Variants in TRPC5 observed in about 807,000 individuals in gnomAD.
TRPC5 encodes the protein transient receptor potential cation channel subfamily C member 5.
Under a neutral mutation model 56.5 loss-of-function variants are expected in TRPC5, and 9 were observed. The ratio of observed to expected loss-of-function variants is 0.16; its 90% CI spans 0.10 to 0.28. The LOEUF is 0.28. Among genes scored for constraint, TRPC5 ranks in the 10% least tolerant of loss-of-function variants. The pLI is 1.00. For synonymous variants in TRPC5, 282 were observed against 278.5 expected, an observed-to-expected ratio of 1.01 and a Z score of -0.13; for missense variants, 469 against 748.9, an observed-to-expected ratio of 0.63 and a Z score of 4.36.
intron 3 of TRPC5, among the ~76,000 whole-genome samples, chrX:111,870,381 G>T (rs1287578065): frequency 8.9e-6 from 1 of 112,220 alleles, no homozygotes; most frequent in Non-Finnish European, 1.9e-5. Flanking sequence ...AATTAAATTT[G>T]AATTTCAGCT....
Position 111,946,118 on chromosome X carries a change from G to T in TRPC5, c.378+5925C>A, listed in dbSNP as rs779743186. Among the ~76,000 whole-genome samples, 3 of 112,342 alleles carry T rather than the reference G, an allele frequency of 2.7e-5. No homozygotes were observed. The East Asian group carries it at 8.4e-4, about 32-fold the overall frequency. On this transcript the variant is annotated intron_variant, in intron 2 of 10. Coordinates refer to ENST00000262839, the MANE Select transcript of TRPC5 (RefSeq NM_012471.3). ...AATTTAGCAGAGGCTCATGTTGGGGGTTAGAGGGAGAGAGAAGAAAGGGAG... is the reference window on the plus strand; with the variant it reads ...AATTTAGCAGAGGCTCATGTTGGGGTTTAGAGGGAGAGAGAAGAAAGGGAG...
chrX:112,056,112 A>T (rs192763979), intron 1 of TRPC5, among the ~76,000 whole-genome samples: 1 of 111,923 alleles, frequency 8.9e-6, no homozygotes, highest in Non-Finnish European at 1.9e-5. Context: ...AGAGAAAGGC[A>T]CATCTTCCTT....
rs1232888602 is a variant in TRPC5, at chrX:112,029,372, C to T, written c.-22+52507G>A. On this transcript the variant is annotated intron_variant, in intron 1 of 10. Transcript: ENST00000262839. ...AGTACTTTATTGTGTATATGTACCA[C>T]ATTTTCTTTGTCCATTCATCTGCTG... Among the ~76,000 whole-genome samples the T allele has an allele frequency of 2.7e-5, 3 of 111,996 alleles. No individual in the cohort carries two copies. The East Asian group carries it at 8.4e-4, about 31-fold the overall frequency.
intron 9 of TRPC5, 24 bp from the exon 10 acceptor site, chrX:111,779,098 G>GACTGAATGCTTCTT: frequency 9.2e-7 from 1 of 1,086,782 alleles, no homozygotes; most frequent in Non-Finnish European, 1.3e-6. Context: ...ACATGAAGAA[G>GACTGAATGCTTCTT]CATTCAGTCT....
intron 1 of TRPC5, among the ~76,000 whole-genome samples, chrX:112,079,763 T>G: frequency 9.0e-6 from 1 of 111,641 alleles, no homozygotes; most frequent in Middle Eastern, 4.6e-3. Flanking sequence ...AGATATCTGG[T>G]TCAGGTCTCC....
rs1945842116 is a variant in TRPC5, at chrX:111,771,284, C to G, written c.*5029G>C. Among the ~76,000 whole-genome samples the G allele has an allele frequency of 9.0e-6, 1 of 111,731 alleles. No homozygotes were observed. On this transcript the variant is annotated 3_prime_UTR_variant, in exon 11 of 11. Coordinates refer to ENST00000262839, the MANE Select transcript of TRPC5 (RefSeq NM_012471.3). ...CATCTTTTCACATCATATAAGAAAACTAGCTTTTTGGCATAAGGGCATTCC... is the reference window on the plus strand; with the variant it reads ...CATCTTTTCACATCATATAAGAAAAGTAGCTTTTTGGCATAAGGGCATTCC...
At chrX:111,904,975 T>G (rs1361451522) in intron 3 of TRPC5, among the ~76,000 whole-genome samples, 3 of 110,562 alleles carry the variant, frequency 2.7e-5, no homozygotes, top group Non-Finnish European at 5.7e-5. Context: ...TGATTTTTTT[T>G]TTTTTTAACC....
chrX:111,777,972 G>T (rs1039716487), intron 10 of TRPC5, among the ~76,000 whole-genome samples: 2 of 112,623 alleles, frequency 1.8e-5, no homozygotes, highest in East Asian at 5.6e-4. Context: ...GTAGGAGCTG[G>T]TTAGATCTTG....
At chrX:111,996,433 T>C (rs1037441025) in intron 1 of TRPC5, among the ~76,000 whole-genome samples, 1 of 111,953 alleles carries the variant, frequency 8.9e-6, no homozygotes, top group African/African-American at 3.3e-5. Flanking sequence ...ATAAGTGCGA[T>C]GTGGTGCTGA....
Position 111,944,303 on chromosome X carries a change from T to TGAGA in TRPC5, c.378+7736_378+7739dup, listed in dbSNP as rs774055316. The stretch of plus-strand genomic sequence containing the variant: ...GTGTGTGTGTGTGTGTGTGTGTGTG[T>TGAGA]GAGAGAGAGAGAGAGAGAGAGAGAG... On this transcript the variant is annotated intron_variant, in intron 2 of 10. Transcript: ENST00000262839. Among the ~76,000 whole-genome samples the TGAGA allele has an allele frequency of 8.7e-3, 533 of 61,301 alleles. 13 individuals are homozygous for TGAGA. The highest frequency in any genetic ancestry group is 0.014 in the Middle Eastern group (2 of 143). 53.2% of individuals were successfully genotyped at this position (61,301 alleles called of 115,157 possible).
intron 1 of TRPC5, among the ~76,000 whole-genome samples, chrX:112,002,031 T>A (rs771751164): frequency 8.9e-6 from 1 of 111,899 alleles, no homozygotes; most frequent in African/African-American, 3.2e-5. Context: ...ATTATCACAA[T>A]AGTCTCCTAA....
chrX:111,874,952 A>G (rs1046595427), intron 3 of TRPC5, among the ~76,000 whole-genome samples: 2 of 112,442 alleles, frequency 1.8e-5, no homozygotes, highest in African/African-American at 6.5e-5. Flanking sequence ...CTGTAACCAT[A>G]ATACTACATA....
intron 1 of TRPC5, among the ~76,000 whole-genome samples, chrX:111,975,770 G>A (rs1927907609): frequency 4.5e-5 from 5 of 111,967 alleles, no homozygotes; most frequent in South Asian, 3.7e-4. Context: ...CGGGCGTGGC[G>A]GCGTGCGCCT....
chrX:111,923,893 T>A (rs1195171292), intron 2 of TRPC5, among the ~76,000 whole-genome samples: 1 of 112,475 alleles, frequency 8.9e-6, no homozygotes. Flanking sequence ...GGGTGTCCAG[T>A]TAGCTTTGTA....
At chrX:111,862,530 A>G (rs1453764122) in intron 3 of TRPC5, among the ~76,000 whole-genome samples, 1 of 112,201 alleles carries the variant, frequency 8.9e-6, no homozygotes, top group African/African-American at 3.2e-5. Context: ...TGCCCAATCC[A>G]AGGTCACAAA....
At chrX:111,989,409 CT>C (rs752510143) in intron 1 of TRPC5, among the ~76,000 whole-genome samples, 13 of 111,647 alleles carry the variant, frequency 1.2e-4, no homozygotes, top group African/African-American at 4.2e-4. Context: ...CCCTGAAGAT[CT>C]TTAGCACATA....
intron 1 of TRPC5, among the ~76,000 whole-genome samples, chrX:112,025,519 T>C (rs1432851931): frequency 8.9e-6 from 1 of 111,906 alleles, no homozygotes; most frequent in Non-Finnish European, 1.9e-5. Flanking sequence ...GCATTCATTT[T>C]TTTTGGCCTG....
At chrX:111,976,679 A>G (rs1181709577) in intron 1 of TRPC5, among the ~76,000 whole-genome samples, 1 of 111,227 alleles carries the variant, frequency 9.0e-6, no homozygotes, top group East Asian at 2.8e-4. Flanking sequence ...GAAAATTGGA[A>G]AGGAAGAAGT....
Position 111,796,397 on chromosome X carries a change from G to T in TRPC5, c.1897-14259C>A, listed in dbSNP as rs368657043. ...TCCTGTATATGGGCCATACTTTCTT[G>T]CTTTTTTGCGTGTTTTGTATTTTAT... On this transcript the variant is annotated intron_variant, in intron 7 of 10. Coordinates refer to ENST00000262839, the MANE Select transcript of TRPC5 (RefSeq NM_012471.3). 3.6e-5 allele frequency among the ~76,000 whole-genome samples: 4 copies of T among 111,341 alleles called. No individual in the cohort carries two copies. In the East Asian group the frequency reaches 1.1e-3, roughly 31 times the overall value.
Sources: allele counts gnomAD v4.1 joint callset (sites outside exome capture counted in the v4.1 genomes callset), GRCh38; gene constraint gnomAD v4.1.1; transcripts MANE v1.5; gene names NCBI Gene and HGNC (gene_info 2026-07-23, HGNC 2026-07-21).